Variants in GSE1 observed in about 807,000 individuals in gnomAD.
The protein encoded by GSE1 is Gse1 coiled-coil protein.
In GSE1, 32 loss-of-function variants were observed where a neutral mutation model predicts 112.6. That is an observed-to-expected ratio of 0.28 (90% confidence interval 0.21 to 0.38). The LOEUF (loss-of-function observed/expected upper bound fraction) is 0.38. Among genes scored for constraint, GSE1 ranks in the 10% least tolerant of loss-of-function variants. The pLI, the probability that GSE1 is intolerant of heterozygous loss-of-function variation, is 1.00. For missense variants in GSE1, 2,348 were observed against 1,699.2 expected (o/e 1.38, Z -6.71); for synonymous variants, 1,115 against 735.6 (o/e 1.52, Z -8.35).
In GSE1 at chr16:85,373,574, T is replaced by C. The variant is rs950917551; in HGVS notation, c.2464+15931T>C. ...GGCACTGTGTATAGCAGGGATTCAG[T>C]GACCGCATCGCTACTATGTGTCCTC... On this transcript the variant is annotated intron_variant, in intron 2 of 2. Coordinates refer to the GSE1 transcript ENST00000637419. This position sits in a 1 kb window ranked among gnomAD's most constrained non-coding sequence, Gnocchi z 5.1. 3.9e-5 allele frequency among the ~76,000 whole-genome samples: 6 copies of C among 152,158 alleles called. No individual in the cohort carries two copies.
chr16:85,194,676 G>T (rs910660478), intron 1 of GSE1, among the ~76,000 whole-genome samples: 1 of 152,174 alleles, frequency 6.6e-6, no homozygotes, highest in Non-Finnish European at 1.5e-5. Context: ...TTAACCAGGA[G>T]CTTTGGCTGC....
chr16:85,230,902 G>A (rs1904277883), intron 1 of GSE1, among the ~76,000 whole-genome samples: 1 of 151,800 alleles, frequency 6.6e-6, no homozygotes, highest in Admixed American at 6.6e-5. Flanking sequence ...TGGAAGGATG[G>A]ATAGAATGGA....
chr16:85,475,299 G>C (rs2050417907), intron 2 of GSE1, among the ~76,000 whole-genome samples: 1 of 152,230 alleles, frequency 6.6e-6, no homozygotes, highest in African/African-American at 2.4e-5. Context: ...GTGCGTCGCT[G>C]AATCTGTGAT....
At chr16:85,225,506 C>G (rs186425947) in intron 1 of GSE1, among the ~76,000 whole-genome samples, 3 of 152,160 alleles carry the variant, frequency 2.0e-5, no homozygotes, top group African/African-American at 7.2e-5. Flanking sequence ...GCTCACACTC[C>G]GTGAGAAGGG....
chr16:85,626,502 G>A (rs1200326885), intron 1 of GSE1, among the ~76,000 whole-genome samples: 2 of 152,226 alleles, frequency 1.3e-5, no homozygotes, highest in Non-Finnish European at 2.9e-5. Context: ...CTGCGGTAAT[G>A]AAAAATTACC....
chr16:85,206,362 C>G (rs1389253333), intron 1 of GSE1, among the ~76,000 whole-genome samples: 3 of 152,302 alleles, frequency 2.0e-5, no homozygotes, highest in African/African-American at 4.8e-5. Context: ...CGGGCCACAT[C>G]TGCCCTTTGA....
At chr16:85,492,360 C>T (rs2051038366) in intron 2 of GSE1, among the ~76,000 whole-genome samples, 1 of 152,116 alleles carries the variant, frequency 6.6e-6, no homozygotes, top group Non-Finnish European at 1.5e-5. Context: ...GTTTGAGTCC[C>T]CCTCTCAAAT....
At chr16:85,229,565 C>T (rs769806106) in intron 1 of GSE1, among the ~76,000 whole-genome samples, 1 of 152,194 alleles carries the variant, frequency 6.6e-6, no homozygotes, top group East Asian at 1.9e-4. Flanking sequence ...GAGTTCCATT[C>T]TATAGAGAAG....
chr16:85,474,727 A>G (rs190374830), intron 2 of GSE1, among the ~76,000 whole-genome samples: 1 of 96,152 alleles, frequency 1.0e-5, no homozygotes, highest in Non-Finnish European at 2.1e-5. Flanking sequence ...CCCCACTCCC[A>G]CCTTCTCCTC....
intron 2 of GSE1, among the ~76,000 whole-genome samples, chr16:85,369,047 G>C (rs117091705): frequency 0.012 from 1,769 of 152,312 alleles, 15 homozygotes; most frequent in Admixed American, 0.021. Context: ...TAAACCAAAA[G>C]CTTGTTCCCT....
chr16:85,271,020 C>G (rs1200312758), intron 1 of GSE1, among the ~76,000 whole-genome samples: 1 of 152,230 alleles, frequency 6.6e-6, no homozygotes, highest in African/African-American at 2.4e-5. Flanking sequence ...CGAATGCCAT[C>G]AGGCCCTGTC....
upstream of GSE1, chr16:85,554,953 A>C (rs970282515): frequency 1.2e-5 from 12 of 985,156 alleles, no homozygotes; most frequent in Non-Finnish European, 3.6e-6. Flanking sequence ...GGGTTTGGAG[A>C]GGCGAGCCCG....
exon 1 of GSE1, chr16:85,170,951 C>T (rs2074349874): frequency 2.0e-6 from 2 of 985,514 alleles, no homozygotes; most frequent in Non-Finnish European, 2.4e-6. Flanking sequence ...CCCTCCGGGG[C>T]CCTGCGAGAG....
intron 1 of GSE1, among the ~76,000 whole-genome samples, chr16:85,604,068 A>C (rs1191470453): frequency 6.6e-6 from 1 of 152,160 alleles, no homozygotes; most frequent in African/African-American, 2.4e-5. Flanking sequence ...ATCATGAGGG[A>C]AGGCAAAGAG....
chr16:85,326,206 T>G (rs1180989183), intron 1 of GSE1, among the ~76,000 whole-genome samples: 2 of 151,936 alleles, frequency 1.3e-5, no homozygotes, highest in Non-Finnish European at 2.9e-5. Context: ...CACAACCACC[T>G]GGGAGGGGCG....
At chr16:85,553,152 C>T (rs1031776184), upstream of GSE1, among the ~76,000 whole-genome samples, 1 of 150,642 alleles carries the variant, frequency 6.6e-6, no homozygotes, top group African/African-American at 2.4e-5. Flanking sequence ...CCCCGCCCCC[C>T]AGGGGCACAG....
chr16:85,520,693 G>C (rs549076052), intron 2 of GSE1, among the ~76,000 whole-genome samples: 72 of 152,076 alleles, frequency 4.7e-4, no homozygotes, highest in African/African-American at 1.7e-3. Flanking sequence ...AAAATGCTGG[G>C]ATTACAGGAG....
intron 3 of GSE1, among the ~76,000 whole-genome samples, chr16:85,649,169 G>C (rs768765549): frequency 7.2e-5 from 11 of 152,134 alleles, no homozygotes; most frequent in Non-Finnish European, 1.5e-4. Context: ...CCAGTCAGCT[G>C]GTTTAGCGCC....
Position 85,459,981 on chromosome 16 carries a change from A to G in GSE1, c.2464+102338A>G, listed in dbSNP as rs566971756. ...AGCTTCTCAAAGCATTTCTGCCAGA[A>G]AGCAGACCCTGTTCCCTGTGATCCT... On this transcript the variant is annotated intron_variant, in intron 2 of 2. Transcript: ENST00000637419. Among the ~76,000 whole-genome samples, 16 of 152,290 alleles carry G rather than the reference A, an allele frequency of 1.1e-4. No homozygotes were observed. In the South Asian group the frequency reaches 3.3e-3, roughly 32 times the overall value.
Sources: gnomAD v4.1 joint callset for allele counts (sites outside exome capture counted in the v4.1 genomes callset) on GRCh38, gnomAD v4.1.1 for gene constraint, Gnocchi (gnomAD v3.1) non-coding constraint, MANE v1.5 for transcripts, NCBI Gene and HGNC (gene_info 2026-07-23, HGNC 2026-07-21) for gene names.